RDX: variants seen among roughly 807,000 people sequenced by gnomAD.
The protein encoded by RDX is radixin.
In RDX, 32 loss-of-function variants were observed where a neutral mutation model predicts 83.7. That is an observed-to-expected ratio of 0.38 (90% confidence interval 0.29 to 0.51). The LOEUF is 0.51. RDX is among the 20% of genes least tolerant of loss of function. The probability of loss-of-function intolerance (pLI) is 0.87; values close to 1 mark genes in which losing one functional copy is unlikely to be tolerated. For synonymous variants in RDX, 229 were observed against 222.7 expected, an observed-to-expected ratio of 1.03 and a Z score of -0.25; for missense variants, 600 against 689.9, an observed-to-expected ratio of 0.87 and a Z score of 1.46.
At chr11:110,219,068 T>C (rs925335131) in intron 14 of RDX, among the ~76,000 whole-genome samples, 1 of 151,810 alleles carries the variant, frequency 6.6e-6, no homozygotes, top group African/African-American at 2.4e-5. Context: ...CAGAGAAAAA[T>C]AAAGGCAAGA....
intron 11 of RDX, chr11:110,236,626 C>CTT (rs35386587): frequency 2.5e-4 from 38 of 153,376 alleles, no homozygotes; most frequent in African/African-American, 6.0e-4. Flanking sequence ...ATCATTCCTC[C>CTT]TTTTTTTTTT....
chr11:110,225,694 G>A (rs965784284), downstream of RDX, among the ~76,000 whole-genome samples: 12 of 152,160 alleles, frequency 7.9e-5, no homozygotes, highest in South Asian at 2.1e-4. Flanking sequence ...CTTGTGCACC[G>A]CTATGTGAAT....
intron 15 of RDX, among the ~76,000 whole-genome samples, chr11:110,196,378 A>C (rs1565285520): frequency 1.3e-5 from 2 of 152,108 alleles, no homozygotes; most frequent in Admixed American, 6.5e-5. Flanking sequence ...TACAGATTGT[A>C]TCAAAATAAA....
At chr11:110,211,549 C>A (rs1401627500) in intron 14 of RDX, among the ~76,000 whole-genome samples, 1 of 151,476 alleles carries the variant, frequency 6.6e-6, no homozygotes, top group Non-Finnish European at 1.5e-5. Context: ...CAGCACCACA[C>A]CACACCTATT....
chr11:110,190,193 TC>T (rs1218659427), intron 15 of RDX, among the ~76,000 whole-genome samples: 1 of 152,130 alleles, frequency 6.6e-6, no homozygotes, highest in Non-Finnish European at 1.5e-5. Context: ...AATGACTACT[TC>T]TTTGGAAGGC....
chr11:110,231,578 T>G lies in RDX; in HGVS notation c.*291A>C. 2.4e-6 allele frequency: 1 copy of G among 420,648 alleles called. No individual in the cohort carries two copies. The highest frequency in any genetic ancestry group is 2.5e-5 in the South Asian group (1 of 40,744). The allele number at this position is 420,648 out of a possible 1,614,324, so 26.1% of individuals were successfully genotyped here. A position where few individuals can be genotyped will look rare whatever the true frequency, so the allele number is the denominator to read the frequency against. On this transcript the variant is annotated 3_prime_UTR_variant, in exon 14 of 14. Transcript: ENST00000645495. ...ACACATACACATTTGTCAGACGTGA[T>G]AATTAGTGTTAATCTTCAACAGAAA... is the stretch of plus-strand genomic sequence containing the variant.
chr11:110,183,348 C>A (rs60617819), intron 15 of RDX, among the ~76,000 whole-genome samples: 7,108 of 152,198 alleles, frequency 0.047, 558 homozygotes, highest in African/African-American at 0.16. Context: ...TAGAAAAGTT[C>A]TTGCGTTCTT....
At chr11:110,243,268 G>A (rs2134328409) in intron 10 of RDX, among the ~76,000 whole-genome samples, 1 of 152,180 alleles carries the variant, frequency 6.6e-6, no homozygotes. Flanking sequence ...AAACACTGTG[G>A]TCCCCAAGTA....
At chr11:110,271,735 T>C (rs1004947405) in intron 3 of RDX, among the ~76,000 whole-genome samples, 2 of 152,146 alleles carry the variant, frequency 1.3e-5, no homozygotes, top group African/African-American at 2.4e-5. Context: ...CCCAGTTCCT[T>C]AACATACCGG....
At chr11:110,260,425 G>A in intron 5 of RDX, among the ~76,000 whole-genome samples, 1 of 152,086 alleles carries the variant, frequency 6.6e-6, no homozygotes, top group Non-Finnish European at 1.5e-5. Flanking sequence ...TGGCTTCCAT[G>A]ATATAATACT....
chr11:110,292,761 G>A (rs1358516412), intron 1 of RDX, among the ~76,000 whole-genome samples: 1 of 151,886 alleles, frequency 6.6e-6, no homozygotes, highest in East Asian at 1.9e-4. Flanking sequence ...TATAATCTTA[G>A]AGAAAATAAA....
At chr11:110,289,960 A>AAAAAAAAC (rs1861157005) in intron 1 of RDX, among the ~76,000 whole-genome samples, 1 of 107,476 alleles carries the variant, frequency 9.3e-6, no homozygotes, top group Non-Finnish European at 2.2e-5. Flanking sequence ...CTGTCTCAAA[A>AAAAAAAAC]AAAAAAAAAA....
chr11:110,232,147 C>T (rs573342928), intron 13 of RDX, 114 bp from the exon 14 acceptor site: 19 of 861,214 alleles, frequency 2.2e-5, no homozygotes, highest in African/African-American at 1.7e-4. Context: ...ACTGTGAAAC[C>T]TTTTTCTTTA....
At chr11:110,284,647 A>G (rs1013494085) in intron 1 of RDX, among the ~76,000 whole-genome samples, 1 of 151,330 alleles carries the variant, frequency 6.6e-6, no homozygotes, top group Non-Finnish European at 1.5e-5. Context: ...CAGCCTCCCC[A>G]GTAGCTGGGA....
At chr11:110,179,934 C>T (rs912544468) in intron 15 of RDX, 36 of 368,368 alleles carry the variant, frequency 9.8e-5, no homozygotes, top group Non-Finnish European at 1.6e-5. Context: ...CAGAGTTTCC[C>T]TTTGTTGCCC....
chr11:110,198,966 C>A (rs1444685229), intron 15 of RDX, among the ~76,000 whole-genome samples: 1 of 152,064 alleles, frequency 6.6e-6, no homozygotes, highest in Non-Finnish European at 1.5e-5. Flanking sequence ...CAGGCATGCA[C>A]CACCACTCCT....
Position 110,203,610 on chromosome 11 carries a change from T to C in RDX, c.1749-3932A>G, listed in dbSNP as rs113666389. Reference sequence around the variant, plus strand: ...CCATATGTGATTATTACACATTGCATGCTTGTATCAAAATATCTCATGTCC... The same window carrying C: ...CCATATGTGATTATTACACATTGCACGCTTGTATCAAAATATCTCATGTCC... On this transcript the variant is annotated intron_variant, in intron 14 of 15. Coordinates refer to the RDX transcript ENST00000528498. Among the ~76,000 whole-genome samples the C allele has an allele frequency of 8.7e-4, 133 of 152,096 alleles. 1 individual carries two copies. The highest frequency in any genetic ancestry group is 3.1e-3 in the African/African-American group (129 of 41,532).
intron 1 of RDX, among the ~76,000 whole-genome samples, chr11:110,280,083 T>C (rs1467099032): frequency 1.3e-5 from 2 of 152,184 alleles, no homozygotes; most frequent in African/African-American, 4.8e-5. Flanking sequence ...GGTTCATCTC[T>C]GTATCCAGGA....
At chr11:110,203,414 A>T (rs1335581022) in intron 14 of RDX, among the ~76,000 whole-genome samples, 5 of 43,018 alleles carry the variant, frequency 1.2e-4, no homozygotes, top group African/African-American at 5.9e-4. Flanking sequence ...GTTAATGGGT[A>T]AAAAAAAAAA....
Sources: allele counts gnomAD v4.1 joint callset (sites outside exome capture counted in the v4.1 genomes callset), GRCh38; gene constraint gnomAD v4.1.1; transcripts MANE v1.5; gene names NCBI Gene and HGNC (gene_info 2026-07-23, HGNC 2026-07-21).